BCAS1: variants seen among roughly 807,000 people sequenced by gnomAD.
BCAS1 encodes the protein breast carcinoma-amplified sequence 1.
Under a neutral mutation model 65.4 loss-of-function variants are expected in BCAS1, and 46 were observed. That is an observed-to-expected ratio of 0.70 (90% CI 0.55 to 0.90). The LOEUF (loss-of-function observed/expected upper bound fraction) is 0.90. Among genes scored for constraint, BCAS1 ranks in the 40% least tolerant of loss-of-function variants. The pLI is 0.00. For missense variants in BCAS1, 793 were observed against 771.2 expected (o/e 1.03, Z -0.33); for synonymous variants, 298 against 293.5 (o/e 1.02, Z -0.16).
chr20:54,068,395 G>A (rs984703988), intron 1 of BCAS1: 1 of 154,332 alleles, frequency 6.5e-6, no homozygotes, highest in Non-Finnish European at 1.5e-5. Flanking sequence ...CAGCACCAGG[G>A]TGAGCATAGC....
rs1417400597 is a variant in BCAS1 at position 53,957,478 on chromosome 20, C to T, written c.1505G>A (p.Gly502Glu). Residue 502 changes from glycine (G) to glutamate (E), a missense_variant, in exon 11 of 13, where the codon GGG (glycine) becomes GAG (glutamate). Transcript: ENST00000688948. ...ATTTATTTCTTCTGAGTGGGTGATC[C>T]CTCCATCCCCTTTCACTGACTAAAA... Reference protein sequence around the residue: ...LRQMSVKGDGGITHSEEINGK... With the variant: ...LRQMSVKGDGEITHSEEINGK... The T allele has an allele frequency of 6.2e-7, 1 of 1,614,064 alleles. No individual in the cohort carries two copies. The highest frequency in any genetic ancestry group is 1.1e-5 in the South Asian group (1 of 91,074).
chr20:54,007,132 G>A (rs749642273), intron 4 of BCAS1, among the ~76,000 whole-genome samples: 14 of 152,144 alleles, frequency 9.2e-5, no homozygotes, highest in Non-Finnish European at 1.6e-4. Flanking sequence ...GACAGCCCAC[G>A]TGCTCCCCAG....
chr20:54,043,521 T>C lies in BCAS1; in HGVS notation c.143-14549A>G, dbSNP rs547103647. ...GGCTGTTATTGAAATATCTTATTAT[T>C]GGCTCAGGGTTTCCCAGGGCAGCCA... is the stretch of plus-strand genomic sequence containing the variant. On this transcript the variant is annotated intron_variant, in intron 3 of 12. Transcript: ENST00000688948. Among the ~76,000 whole-genome samples, 3 of 152,330 alleles carry C rather than the reference T, an allele frequency of 2.0e-5. No homozygotes were observed. In the Middle Eastern group the frequency reaches 0.01, roughly 518 times the overall value.
intron 1 of BCAS1, among the ~76,000 whole-genome samples, chr20:54,069,834 C>T (rs533072769): frequency 3.9e-5 from 6 of 152,300 alleles, no homozygotes; most frequent in South Asian, 2.1e-4. Context: ...GTGGCTGCAG[C>T]GCACCCGCAT....
At chr20:54,023,702 T>C (rs1371429958) in intron 4 of BCAS1, among the ~76,000 whole-genome samples, 2 of 152,096 alleles carry the variant, frequency 1.3e-5, no homozygotes, top group African/African-American at 2.4e-5. Flanking sequence ...AGTTGGAAAA[T>C]AGGCAGAGGA....
At chr20:53,959,011 T>C (rs1313771538) in intron 10 of BCAS1, among the ~76,000 whole-genome samples, 1 of 152,226 alleles carries the variant, frequency 6.6e-6, no homozygotes, top group African/African-American at 2.4e-5. Context: ...TTGGATAAGA[T>C]GGAGGATGAC....
chr20:54,066,197 C>A (rs375507313), intron 1 of BCAS1, among the ~76,000 whole-genome samples: 1 of 152,062 alleles, frequency 6.6e-6, no homozygotes, highest in Non-Finnish European at 1.5e-5. Flanking sequence ...CTCAGTCTCC[C>A]GAGTAGCTGG....
chr20:53,997,879 C>T (rs965202417), intron 4 of BCAS1, among the ~76,000 whole-genome samples: 3 of 152,084 alleles, frequency 2.0e-5, no homozygotes, highest in Non-Finnish European at 4.4e-5. Flanking sequence ...GGTTGAGCAT[C>T]GTCTTCACTC....
chr20:54,059,830 T>C lies in BCAS1; in HGVS notation c.-5-1107A>G, dbSNP rs542700083. Among the ~76,000 whole-genome samples the C allele has an allele frequency of 2.6e-5, 4 of 152,394 alleles. No homozygotes were observed. The South Asian group carries it at 8.3e-4, about 32-fold the overall frequency. ...AAAGTCCAGTAAATACATAGTATTA[T>C]AATGTCATGTGACCACTAAGTATAT... On this transcript the variant is annotated intron_variant, in intron 1 of 12. Transcript: ENST00000688948.
intron 4 of BCAS1, 118 bp downstream of exon 4, chr20:54,028,274 G>T (rs2091719565): frequency 3.0e-6 from 3 of 988,462 alleles, no homozygotes; most frequent in African/African-American, 3.2e-5. Flanking sequence ...TTCTAGAGGG[G>T]TCAACAGCTT....
rs1391284796 is a variant in BCAS1 at position 54,041,908 on chromosome 20, C to CAAA, written c.143-12937_143-12936insTTT. Among the ~76,000 whole-genome samples, 70 of 67,316 alleles carry CAAA rather than the reference C, an allele frequency of 1.0e-3. 8 individuals carry two copies. The highest frequency in any genetic ancestry group is 1.8e-3 in the African/African-American group (34 of 18,624). The allele number at this position is 67,316 out of a possible 152,430, so 44.2% of individuals were successfully genotyped here. ...AGTTCAGAGTGAGACTCTGTCTCCC[C>CAAA]CAAAAAAAAAAAAAAAAAAAAAAGA... On this transcript the variant is annotated intron_variant, in intron 3 of 12. Transcript: ENST00000688948.
chr20:53,996,185 A>G, intron 4 of BCAS1, 135 bp from the exon 5 acceptor site: 2 of 840,630 alleles, frequency 2.4e-6, no homozygotes, highest in Non-Finnish European at 3.5e-6. Flanking sequence ...GTGCAGAACA[A>G]TCATGAGATT....
chr20:54,063,753 C>A (rs902296758), intron 1 of BCAS1, among the ~76,000 whole-genome samples: 1 of 152,100 alleles, frequency 6.6e-6, no homozygotes. Flanking sequence ...AACTGAGGCT[C>A]AAGGCAGTTC....
intron 1 of BCAS1, 46 bp from the exon 2 acceptor site, chr20:54,058,769 A>T: frequency 2.5e-6 from 4 of 1,602,226 alleles, no homozygotes; most frequent in Non-Finnish European, 3.4e-6. Flanking sequence ...ATCAAAACCA[A>T]ACGAAGCTAC....
intron 4 of BCAS1, among the ~76,000 whole-genome samples, chr20:54,004,849 C>T (rs927433957): frequency 6.6e-6 from 1 of 152,218 alleles, no homozygotes; most frequent in Non-Finnish European, 1.5e-5. Flanking sequence ...ATCTACACCT[C>T]TGCAGTACTG....
chr20:53,969,724 T>C (rs1358578484), intron 9 of BCAS1, among the ~76,000 whole-genome samples: 2 of 152,230 alleles, frequency 1.3e-5, no homozygotes, highest in African/African-American at 4.8e-5. Flanking sequence ...CATCATTTTA[T>C]TTGTTACCTC....
At chr20:54,058,241 T>A in intron 2 of BCAS1, 87 bp from the exon 3 acceptor site, 1 of 1,219,950 alleles carries the variant, frequency 8.2e-7, no homozygotes, top group Non-Finnish European at 1.2e-6. Flanking sequence ...TACAAGGGTG[T>A]CTCACAAAAA....
intron 7 of BCAS1, among the ~76,000 whole-genome samples, chr20:53,988,320 C>T (rs917061012): frequency 5.9e-5 from 9 of 152,150 alleles, no homozygotes; most frequent in African/African-American, 1.4e-4. Flanking sequence ...CATACTTGGC[C>T]GTTTTCACCG....
intron 12 of BCAS1, 128 bp from the exon 13 acceptor site, chr20:53,945,124 G>A: frequency 1.2e-6 from 1 of 819,604 alleles, no homozygotes; most frequent in Non-Finnish European, 2.1e-6. Context: ...ATTCCTCAGT[G>A]CTGGGTAAGA....
Sources: allele counts gnomAD v4.1 joint callset (sites outside exome capture counted in the v4.1 genomes callset), GRCh38; gene constraint gnomAD v4.1.1; transcripts MANE v1.5; gene names NCBI Gene and HGNC (gene_info 2026-07-23, HGNC 2026-07-21).